MIS18A: variants seen among roughly 807,000 people sequenced by gnomAD.
MIS18A encodes the protein protein Mis18-alpha.
MIS18A carries 14 observed loss-of-function variants against 25.0 expected under a neutral mutation model. The ratio of observed to expected loss-of-function variants is 0.56; its 90% confidence interval spans 0.37 to 0.88. MIS18A has a LOEUF of 0.88. Among genes scored for constraint, MIS18A ranks in the 40% least tolerant of loss-of-function variants. The pLI is 0.00. For missense variants in MIS18A, 292 were observed against 290.8 expected, an observed-to-expected ratio of 1.00 and a Z score of -0.03; for synonymous variants, 134 against 118.6, an observed-to-expected ratio of 1.13 and a Z score of -0.84.
chr21:32,200,735 G>A, the MIS18A span, among the ~76,000 whole-genome samples: 4 of 151,992 alleles, frequency 2.6e-5, no homozygotes, highest in East Asian at 1.9e-4. Flanking sequence ...ACCGTGCCCC[G>A]CCCAAGGCTT....
chr21:32,214,688 A>G, the MIS18A span, among the ~76,000 whole-genome samples: 1 of 152,232 alleles, frequency 6.6e-6, no homozygotes, highest in East Asian at 1.9e-4. Context: ...TGGAGTCCAG[A>G]TTGGAAAACA....
At chr21:32,191,426 CAA>C in the MIS18A span, among the ~76,000 whole-genome samples, 1 of 151,816 alleles carries the variant, frequency 6.6e-6, no homozygotes, top group Admixed American at 6.6e-5. Flanking sequence ...CCGATTTCTA[CAA>C]AAAAGTTTAA....
chr21:32,215,998 T>C, the MIS18A span, among the ~76,000 whole-genome samples: 1 of 152,096 alleles, frequency 6.6e-6, no homozygotes, highest in Non-Finnish European at 1.5e-5. Context: ...TAAGAAGATG[T>C]GGGGGATGTT....
chr21:32,258,351 C>T, the MIS18A span, among the ~76,000 whole-genome samples: 738 of 151,988 alleles, frequency 4.9e-3, 5 homozygotes, highest in South Asian at 0.011. Flanking sequence ...GCATCGGGGA[C>T]GGGGGGCCTT....
At chr21:32,208,677 G>A in the MIS18A span, among the ~76,000 whole-genome samples, 49 of 152,086 alleles carry the variant, frequency 3.2e-4, no homozygotes, top group African/African-American at 1.1e-3. Flanking sequence ...GCCTTTATCA[G>A]GTTCTCAAAA....
the MIS18A span, among the ~76,000 whole-genome samples, chr21:32,240,186 T>C: frequency 3.9e-5 from 6 of 152,252 alleles, no homozygotes; most frequent in African/African-American, 1.4e-4. Flanking sequence ...AATTACATGA[T>C]GCATGGACTG....
the MIS18A span, among the ~76,000 whole-genome samples, chr21:32,231,895 G>A: frequency 7.4e-3 from 1,122 of 152,188 alleles, 13 homozygotes; most frequent in African/African-American, 0.025. Flanking sequence ...CCTGGGCAAA[G>A]AGCAAGACTC....
chr21:32,214,856 C>G, the MIS18A span, among the ~76,000 whole-genome samples: 1 of 152,238 alleles, frequency 6.6e-6, no homozygotes, highest in South Asian at 2.1e-4. Flanking sequence ...TCACAAGCCC[C>G]AGCCCCGGAG....
At chr21:32,219,360 G>A in the MIS18A span, among the ~76,000 whole-genome samples, 10 of 152,218 alleles carry the variant, frequency 6.6e-5, no homozygotes, top group African/African-American at 1.2e-4. Flanking sequence ...TGCCTCACCC[G>A]GGAAGTGCAA....
At chr21:32,231,906 C>T in the MIS18A span, among the ~76,000 whole-genome samples, 2 of 152,026 alleles carry the variant, frequency 1.3e-5, no homozygotes, top group Non-Finnish European at 2.9e-5. Flanking sequence ...AGCAAGACTC[C>T]GTCTCAAAAC....
the MIS18A span, among the ~76,000 whole-genome samples, chr21:32,238,623 T>C: frequency 6.6e-6 from 1 of 152,280 alleles, no homozygotes; most frequent in African/African-American, 2.4e-5. Flanking sequence ...TGTTATCCCT[T>C]TGCCCCTTCC....
intron 3 of MIS18A, among the ~76,000 whole-genome samples, chr21:32,270,055 CAGAGTGAGACCCCATATCTTAAAAAA>C (rs2031684266): frequency 1.3e-5 from 2 of 152,126 alleles, no homozygotes; most frequent in African/African-American, 4.8e-5. Context: ...GCCTGGGCGA[CAGAGTGAGACCCCATATCTTAAAAAA>C]ATAAGTTTTA....
chr21:32,166,969 G>A, the MIS18A span, among the ~76,000 whole-genome samples: 6 of 152,254 alleles, frequency 3.9e-5, no homozygotes, highest in Admixed American at 2.0e-4. Flanking sequence ...TGGATGATGG[G>A]CTCGAGAGTA....
the MIS18A span, among the ~76,000 whole-genome samples, chr21:32,256,163 C>G: frequency 6.6e-6 from 1 of 152,152 alleles, no homozygotes; most frequent in Admixed American, 6.6e-5. Context: ...TCGTGTATTG[C>G]TGCTCAAACC....
At chr21:32,209,491 T>C in the MIS18A span, among the ~76,000 whole-genome samples, 1 of 152,094 alleles carries the variant, frequency 6.6e-6, no homozygotes, top group Non-Finnish European at 1.5e-5. Context: ...AAGCATTAGG[T>C]TGGTGCAAAA....
At chr21:32,179,423 C>T in the MIS18A span, among the ~76,000 whole-genome samples, 1 of 148,182 alleles carries the variant, frequency 6.7e-6, no homozygotes, top group South Asian at 2.2e-4. Flanking sequence ...TCCTATGTCC[C>T]CCTTCATGCA....
At chr21:32,207,264 G>A in the MIS18A span, among the ~76,000 whole-genome samples, 7 of 152,282 alleles carry the variant, frequency 4.6e-5, no homozygotes, top group East Asian at 7.7e-4. Flanking sequence ...TAAGCATCTC[G>A]TCTAGAAAGA....
the MIS18A span, among the ~76,000 whole-genome samples, chr21:32,244,668 T>C: frequency 6.6e-6 from 1 of 151,766 alleles, no homozygotes; most frequent in Non-Finnish European, 1.5e-5. Flanking sequence ...GCCTGGGAGG[T>C]TGAGGCTGCA....
At chr21:32,256,364 C>T in the MIS18A span, among the ~76,000 whole-genome samples, 17 of 152,090 alleles carry the variant, frequency 1.1e-4, no homozygotes, top group Admixed American at 6.6e-4. Context: ...CTATTCCATT[C>T]CCACCCGACT....
Sources: allele counts gnomAD v4.1 joint callset (sites outside exome capture counted in the v4.1 genomes callset), GRCh38; gene constraint gnomAD v4.1.1; transcripts MANE v1.5; gene names NCBI Gene and HGNC (gene_info 2026-07-23, HGNC 2026-07-21).